Variants in RABGAP1L observed in about 807,000 individuals in gnomAD.
The protein encoded by RABGAP1L is RAB GTPase activating protein 1 like, also known as rab GTPase-activating protein 1-like.
RABGAP1L carries 63 observed loss-of-function variants against 137.7 expected under a neutral mutation model. The observed-to-expected ratio is 0.46, with a 90% CI of 0.37 to 0.56. The LOEUF is 0.56. RABGAP1L is among the 20% of genes least tolerant of loss of function. The pLI is 0.00. For missense variants in RABGAP1L, 1,095 were observed against 1,244.0 expected, an observed-to-expected ratio of 0.88 and a Z score of 1.80; for synonymous variants, 431 against 433.7, an observed-to-expected ratio of 0.99 and a Z score of 0.08.
intron 13 of RABGAP1L, among the ~76,000 whole-genome samples, chr1:174,527,519 T>C (rs981971357): frequency 2.0e-5 from 3 of 152,158 alleles, no homozygotes; most frequent in African/African-American, 7.2e-5. Context: ...GATTTCTGTT[T>C]TTACAAATTT....
chr1:174,491,174 G>T (rs1450866265), intron 13 of RABGAP1L, among the ~76,000 whole-genome samples: 1 of 152,070 alleles, frequency 6.6e-6, no homozygotes. Context: ...CTGGGAAAGT[G>T]CTGTGTCTCA....
At chr1:174,698,525 C>T (rs1679420143) in intron 15 of RABGAP1L, among the ~76,000 whole-genome samples, 1 of 152,066 alleles carries the variant, frequency 6.6e-6, no homozygotes, top group African/African-American at 2.4e-5. Flanking sequence ...TCTACCCCAC[C>T]CCATTTTTGC....
intron 11 of RABGAP1L, among the ~76,000 whole-genome samples, chr1:174,337,568 C>T (rs762930913): frequency 1.3e-5 from 2 of 151,986 alleles, no homozygotes; most frequent in Admixed American, 6.6e-5. Flanking sequence ...CAAAGATTTT[C>T]GTGAGGAAGA....
At chr1:174,786,679 A>G (rs1687469180) in intron 18 of RABGAP1L, among the ~76,000 whole-genome samples, 1 of 152,212 alleles carries the variant, frequency 6.6e-6, no homozygotes, top group South Asian at 2.1e-4. Context: ...CTGCTTTACT[A>G]TGTGTCAGTA....
chr1:174,811,474 T>G (rs1689866218), intron 18 of RABGAP1L, among the ~76,000 whole-genome samples: 1 of 152,218 alleles, frequency 6.6e-6, no homozygotes, highest in Non-Finnish European at 1.5e-5. Flanking sequence ...TGAGCTGAAG[T>G]CACAGATTAG....
At chr1:174,449,170 G>A (rs371304678) in intron 13 of RABGAP1L, 50 of 1,605,424 alleles carry the variant, frequency 3.1e-5, no homozygotes, top group Non-Finnish European at 4.2e-5. Flanking sequence ...CCAAACCTAG[G>A]AAACGGGCTA....
chr1:174,446,306 A>G (rs1654759857), intron 13 of RABGAP1L, among the ~76,000 whole-genome samples: 1 of 152,242 alleles, frequency 6.6e-6, no homozygotes, highest in African/African-American at 2.4e-5. Context: ...CTAGGAATGT[A>G]GAAGAAGAAA....
chr1:174,628,053 C>G (rs1376747385), intron 13 of RABGAP1L, among the ~76,000 whole-genome samples: 3 of 152,102 alleles, frequency 2.0e-5, no homozygotes, highest in Non-Finnish European at 4.4e-5. Context: ...GTACCCTGTC[C>G]TTCCTATCCT....
chr1:174,705,755 CTG>C (rs1679997786), intron 17 of RABGAP1L: 1 of 152,062 alleles, frequency 6.6e-6, no homozygotes, highest in South Asian at 2.1e-4. Flanking sequence ...TCCTGCATGT[CTG>C]TGTTTTCTTT....
intron 12 of RABGAP1L, among the ~76,000 whole-genome samples, chr1:174,384,673 T>C (rs1477877467): frequency 6.6e-6 from 1 of 152,182 alleles, no homozygotes; most frequent in African/African-American, 2.4e-5. Flanking sequence ...AACTCTGTCT[T>C]AACTAACTTC....
At chr1:174,821,821 T>C (rs1282703526) in intron 19 of RABGAP1L, among the ~76,000 whole-genome samples, 1 of 152,250 alleles carries the variant, frequency 6.6e-6, no homozygotes, top group Non-Finnish European at 1.5e-5. Context: ...ATTGAAAAGA[T>C]TCACTTTTGA....
At chr1:174,410,742 G>A (rs1649830814) in intron 13 of RABGAP1L, among the ~76,000 whole-genome samples, 1 of 152,188 alleles carries the variant, frequency 6.6e-6, no homozygotes, top group Middle Eastern at 3.4e-3. Context: ...GGTTCCATAT[G>A]AATTTTAGAA....
intron 13 of RABGAP1L, among the ~76,000 whole-genome samples, chr1:174,596,052 T>C (rs1355535394): frequency 8.9e-6 from 1 of 112,694 alleles, no homozygotes; most frequent in Non-Finnish European, 1.7e-5. Flanking sequence ...GGATATAGTC[T>C]CGTGGTGCGC....
intron 12 of RABGAP1L, among the ~76,000 whole-genome samples, chr1:174,371,935 G>A (rs890785409): frequency 1.3e-5 from 2 of 152,148 alleles, no homozygotes; most frequent in Non-Finnish European, 2.9e-5. Flanking sequence ...TGTATTTACA[G>A]TTCCAACGGT....
At chr1:174,734,267 A>C (rs2148630623) in intron 17 of RABGAP1L, among the ~76,000 whole-genome samples, 1 of 152,278 alleles carries the variant, frequency 6.6e-6, no homozygotes, top group East Asian at 1.9e-4. Flanking sequence ...TATGTATTTA[A>C]AGCCACAAGA....
intron 11 of RABGAP1L, among the ~76,000 whole-genome samples, chr1:174,334,252 T>TC (rs1314064441): frequency 6.6e-6 from 1 of 152,184 alleles, no homozygotes; most frequent in Non-Finnish European, 1.5e-5. Flanking sequence ...GCTTTTAGGC[T>TC]CCAAGTATAG....
intron 19 of RABGAP1L, among the ~76,000 whole-genome samples, chr1:174,903,466 G>A (rs1248443936): frequency 1.3e-5 from 2 of 152,092 alleles, no homozygotes; most frequent in African/African-American, 2.4e-5. Flanking sequence ...GTTCTATTTG[G>A]GTATTTGACA....
chr1:174,326,245 G>C (rs556077427), intron 11 of RABGAP1L, among the ~76,000 whole-genome samples: 2 of 152,344 alleles, frequency 1.3e-5, no homozygotes, highest in African/African-American at 4.8e-5. Context: ...CCATGTAGAT[G>C]AATGATCTGG....
chr1:174,906,439 C>T (rs1225776885), intron 19 of RABGAP1L, among the ~76,000 whole-genome samples: 2 of 152,022 alleles, frequency 1.3e-5, no homozygotes, highest in East Asian at 1.9e-4. Flanking sequence ...ACTAGCCTGA[C>T]CAACAAGGTG....
Sources: gnomAD v4.1 joint callset for allele counts (sites outside exome capture counted in the v4.1 genomes callset) on GRCh38, gnomAD v4.1.1 for gene constraint, MANE v1.5 for transcripts, NCBI Gene and HGNC (gene_info 2026-07-23, HGNC 2026-07-21) for gene names.